Variants in BAG3 observed in about 807,000 individuals in gnomAD.
BAG3 encodes the protein BAG family molecular chaperone regulator 3.
BAG3 carries 14 observed loss-of-function variants against 40.5 expected under a neutral mutation model. The observed-to-expected ratio is 0.35, with a 90% CI of 0.23 to 0.54. The LOEUF is 0.54. BAG3 is among the 20% of genes least tolerant of loss of function. BAG3 has a pLI of 0.91. For missense variants in BAG3, 788 were observed against 758.6 expected (o/e 1.04, Z -0.46); for synonymous variants, 302 against 307.8 (o/e 0.98, Z 0.20).
At chr10:119,667,974 C>T (rs563940700) in intron 1 of BAG3, among the ~76,000 whole-genome samples, 1 of 152,256 alleles carries the variant, frequency 6.6e-6, no homozygotes, top group Non-Finnish European at 1.5e-5. Context: ...TCTTCAGCGC[C>T]TCTTGCTGGC....
rs140452722 is a variant in BAG3 at position 119,652,984 on chromosome 10, G to C, written c.180+1129G>C. Among the ~76,000 whole-genome samples the C allele has an allele frequency of 4.7e-4, 72 of 152,274 alleles. 1 individual carries two copies. The East Asian group carries it at 0.013, about 28-fold the overall frequency. On this transcript the variant is annotated intron_variant, in intron 1 of 3. Coordinates refer to ENST00000369085, the MANE Select transcript of BAG3 (RefSeq NM_004281.4). ...AAGCTGAATTGTTAACGCCGTCTGG[G>C]CAAGATAAAAGCAGCAAAGAGCTGG...
chr10:119,651,798 C>T lies in BAG3; in HGVS notation c.123C>T (p.Asp41=). The T allele has an allele frequency of 1.2e-6, 2 of 1,601,348 alleles. No individual in the cohort carries two copies. The highest frequency in any genetic ancestry group is 2.2e-5 in the South Asian group (2 of 89,572). The change falls in exon 1 of 4, where the codon GAC becomes GAT. Residue 41 remains aspartate (D), a synonymous_variant. Coordinates refer to ENST00000369085, the MANE Select transcript of BAG3 (RefSeq NM_004281.4). ...AGACCGGCTGGCCCTTCTTCGTGGA[C>T]CACAACAGCCGCACCACTACGTGGA... The part of the protein sequence containing the change: ...DPQTGWPFFV[D]HNSRTTTWND...
chr10:119,661,249 G>C (rs1354355061), intron 1 of BAG3, among the ~76,000 whole-genome samples: 1 of 152,128 alleles, frequency 6.6e-6, no homozygotes, highest in Non-Finnish European at 1.5e-5. Context: ...AACAGAGCGA[G>C]ACTCAGTCTC....
intron 1 of BAG3, among the ~76,000 whole-genome samples, chr10:119,656,255 G>A (rs1275306506): frequency 2.6e-5 from 4 of 152,128 alleles, no homozygotes; most frequent in South Asian, 2.1e-4. Flanking sequence ...TGGCGAACAC[G>A]AGTGAACCCT....
intron 1 of BAG3, among the ~76,000 whole-genome samples, chr10:119,658,571 T>C (rs1846947162): frequency 6.6e-6 from 1 of 152,196 alleles, no homozygotes; most frequent in Admixed American, 6.5e-5. Flanking sequence ...AGCCTTTCTC[T>C]CCTGCTGCCT....
chr10:119,661,765 C>T (rs1846994800), intron 1 of BAG3, among the ~76,000 whole-genome samples: 1 of 152,064 alleles, frequency 6.6e-6, no homozygotes, highest in Non-Finnish European at 1.5e-5. Context: ...CCTAACTCCT[C>T]AGGTGTCCTG....
chr10:119,651,936 C>T, intron 1 of BAG3, 81 bp downstream of exon 1: 1 of 1,188,588 alleles, frequency 8.4e-7, no homozygotes, highest in East Asian at 3.5e-5. Context: ...GCCGGGGGGA[C>T]GCGAGGCGGC....
chr10:119,662,612 C>T (rs2478804), intron 1 of BAG3, among the ~76,000 whole-genome samples: 13,571 of 152,096 alleles, frequency 0.089, 692 homozygotes, highest in South Asian at 0.13. Context: ...CCTGCCAAGT[C>T]GGAAGTGCTA....
At chr10:119,659,806 G>A (rs1846968269) in intron 1 of BAG3, among the ~76,000 whole-genome samples, 1 of 152,200 alleles carries the variant, frequency 6.6e-6, no homozygotes, top group Admixed American at 6.5e-5. Flanking sequence ...GTTGAGAGAG[G>A]TCCTTTTCCT....
intron 1 of BAG3, among the ~76,000 whole-genome samples, chr10:119,668,047 T>A (rs1847090577): frequency 6.6e-6 from 1 of 152,234 alleles, no homozygotes; most frequent in Non-Finnish European, 1.5e-5. Flanking sequence ...GACCTGCTCC[T>A]GCTCTTGGGT....
rs138083368 is a variant in BAG3 at position 119,675,251 on chromosome 10, T to G, written c.910-1213T>G. On this transcript the variant is annotated intron_variant, in intron 3 of 3. Transcript: ENST00000369085. ...ATGAAGCTAAGGTGAGAGGATCACT[T>G]GAGGCCAGAAGGTTGAGGCTGCATT... Among the ~76,000 whole-genome samples, 115 of 152,114 alleles carry G rather than the reference T, an allele frequency of 7.6e-4. 1 individual carries two copies. The highest frequency in any genetic ancestry group is 2.4e-4 in the Non-Finnish European group (16 of 67,994).
chr10:119,651,954 G>T, intron 1 of BAG3, 99 bp downstream of exon 1: 2 of 1,086,842 alleles, frequency 1.8e-6, no homozygotes, highest in Non-Finnish European at 2.3e-6. Context: ...GGCGGGGCCC[G>T]GGGGTCGGCG....
intron 1 of BAG3, among the ~76,000 whole-genome samples, chr10:119,664,634 G>C (rs1847034698): frequency 6.6e-6 from 1 of 152,086 alleles, no homozygotes; most frequent in Non-Finnish European, 1.5e-5. Context: ...CCCCAACTTT[G>C]AGGAGGCAGA....
Position 119,651,623 on chromosome 10 carries a change from G to T in BAG3, c.-53G>T. Reference sequence around the variant, plus strand: ...GCGGCGGCCCGGCCAGAGACTCGGCGCCCGGAGCCAGCGCCCCGCACCCGC... The same window carrying T: ...GCGGCGGCCCGGCCAGAGACTCGGCTCCCGGAGCCAGCGCCCCGCACCCGC... On this transcript the variant is annotated 5_prime_UTR_variant, in exon 1 of 4. Transcript: ENST00000369085. 2.8e-6 allele frequency: 4 copies of T among 1,441,680 alleles called. No homozygotes were observed. The highest frequency in any genetic ancestry group is 2.7e-6 in the Non-Finnish European group (3 of 1,092,314). The allele number at this position is 1,441,680 out of a possible 1,614,324, so 89.3% of individuals were successfully genotyped here. A position where few individuals can be genotyped will look rare whatever the true frequency, so the allele number is the denominator to read the frequency against.
chr10:119,655,516 G>A (rs1033659371), intron 1 of BAG3, among the ~76,000 whole-genome samples: 1 of 152,202 alleles, frequency 6.6e-6, no homozygotes, highest in African/African-American at 2.4e-5. Context: ...GTTCAGCAGA[G>A]CCTCCTGAAT....
At chr10:119,663,021 AAAAAT>A (rs1156774414) in intron 1 of BAG3, among the ~76,000 whole-genome samples, 1 of 152,108 alleles carries the variant, frequency 6.6e-6, no homozygotes, top group Non-Finnish European at 1.5e-5. Flanking sequence ...TCTCAAAAAT[AAAAAT>A]AAAATAAAGA....
Position 119,672,744 on chromosome 10 carries a change from C to G in BAG3, c.909+88C>G. 1.3e-6 allele frequency: 2 copies of G among 1,563,158 alleles called. No individual in the cohort carries two copies. Among genetic ancestry groups the G allele is most frequent in the Non-Finnish European group, 1.7e-6 (2 of 1,148,836 alleles). ...CTGTGGGTGCCCTGGGTTCCCCCTTCATCCCTGCCTATTTAACATGCGTGT... is the reference window on the plus strand; with the variant it reads ...CTGTGGGTGCCCTGGGTTCCCCCTTGATCCCTGCCTATTTAACATGCGTGT... On this transcript the variant is annotated intron_variant, in intron 3 of 3. Transcript: ENST00000369085. The surrounding 1 kb of genome is among the most constrained non-coding windows in gnomAD (Gnocchi z 4.8).
intron 3 of BAG3, among the ~76,000 whole-genome samples, chr10:119,675,102 T>G (rs907909091): frequency 6.6e-6 from 1 of 152,126 alleles, no homozygotes; most frequent in Admixed American, 6.5e-5. Flanking sequence ...GAGGCCGAGG[T>G]GGGCAGATTG....
At chr10:119,662,616 AGTGCTAC>A (rs1847008994) in intron 1 of BAG3, among the ~76,000 whole-genome samples, 1 of 152,150 alleles carries the variant, frequency 6.6e-6, no homozygotes, top group South Asian at 2.1e-4. Flanking sequence ...CCAAGTCGGA[AGTGCTAC>A]GAGACAGCCC....
Sources: allele counts gnomAD v4.1 joint callset (sites outside exome capture counted in the v4.1 genomes callset), GRCh38; gene constraint gnomAD v4.1.1; non-coding constraint Gnocchi (gnomAD v3.1); transcripts MANE v1.5; gene names NCBI Gene and HGNC (gene_info 2026-07-23, HGNC 2026-07-21).